COL26A1: variants seen among roughly 807,000 people sequenced by gnomAD.
COL26A1 encodes the protein collagen alpha-1(XXVI) chain.
Under a neutral mutation model 59.3 loss-of-function variants are expected in COL26A1, and 41 were observed. That is an observed-to-expected ratio of 0.69 (90% confidence interval 0.54 to 0.90). COL26A1 has a LOEUF of 0.90. COL26A1 is among the 40% of genes least tolerant of loss of function. COL26A1 has a pLI of 0.00. For missense variants in COL26A1, 612 were observed against 602.3 expected, an observed-to-expected ratio of 1.02 and a Z score of -0.17; for synonymous variants, 266 against 256.0, an observed-to-expected ratio of 1.04 and a Z score of -0.37.
At chr7:101,381,830 G>A (rs969777406) in intron 1 of COL26A1, among the ~76,000 whole-genome samples, 5 of 152,072 alleles carry the variant, frequency 3.3e-5, no homozygotes, top group African/African-American at 9.7e-5. Context: ...GAAAGAGGAC[G>A]TCCCTGGGGG....
chr7:101,400,132 G>A (rs920150143), intron 1 of COL26A1, among the ~76,000 whole-genome samples: 1 of 152,128 alleles, frequency 6.6e-6, no homozygotes, highest in Admixed American at 6.6e-5. Context: ...GGATGTGGAA[G>A]ACGAGTAGGT....
intron 3 of COL26A1, among the ~76,000 whole-genome samples, chr7:101,491,400 G>T (rs1475284361): frequency 6.6e-6 from 1 of 152,110 alleles, no homozygotes; most frequent in East Asian, 1.9e-4. Flanking sequence ...TACAAGAAAG[G>T]GGTCCCAATA....
intron 10 of COL26A1, among the ~76,000 whole-genome samples, chr7:101,551,967 G>A (rs1341474311): frequency 2.0e-5 from 3 of 152,104 alleles, no homozygotes; most frequent in Admixed American, 1.3e-4. Flanking sequence ...TATTATCCCC[G>A]TTTGCCAAAA....
intron 10 of COL26A1, 94 bp downstream of exon 10, chr7:101,551,237 G>GGGTTGGGGGGGGGGT: frequency 1.0e-5 from 4 of 386,366 alleles, no homozygotes; most frequent in Admixed American, 7.1e-5. Context: ...TGGTGGGGGG[G>GGGTTGGGGGGGGGGT]TTCAGCCCTG....
chr7:101,555,664 G>T (rs1795957227), intron 11 of COL26A1, 123 bp from the exon 12 acceptor site: 2 of 631,264 alleles, frequency 3.2e-6, no homozygotes, highest in Non-Finnish European at 5.7e-6. Context: ...CAGTGGTGAG[G>T]GTGTCGGGTG....
chr7:101,453,509 A>G (rs1793395513), intron 3 of COL26A1, among the ~76,000 whole-genome samples: 1 of 152,176 alleles, frequency 6.6e-6, no homozygotes, highest in Non-Finnish European at 1.5e-5. Context: ...ACCTCTCAAG[A>G]TGCTCTCAGC....
intron 10 of COL26A1, among the ~76,000 whole-genome samples, chr7:101,552,096 C>T (rs1004277230): frequency 3.3e-5 from 5 of 152,252 alleles, no homozygotes; most frequent in African/African-American, 1.2e-4. Context: ...TCCTCCCGTG[C>T]TTGTCTAGTG....
chr7:101,482,484 G>A (rs1563003387), intron 3 of COL26A1, among the ~76,000 whole-genome samples: 1 of 152,270 alleles, frequency 6.6e-6, no homozygotes, highest in Middle Eastern at 3.4e-3. Context: ...TATTGTGTGA[G>A]TTACATTAAC....
chr7:101,371,484 G>A (rs28575906), intron 1 of COL26A1, among the ~76,000 whole-genome samples: 1 of 47,580 alleles, frequency 2.1e-5, no homozygotes, highest in Non-Finnish European at 4.4e-5. Flanking sequence ...CCCTGTCTCT[G>A]TAAAAAAAAA....
At chr7:101,491,205 C>A (rs1040796031) in intron 3 of COL26A1, among the ~76,000 whole-genome samples, 2 of 152,128 alleles carry the variant, frequency 1.3e-5, no homozygotes, top group Non-Finnish European at 2.9e-5. Flanking sequence ...CCACCTTCAA[C>A]TAGATCACGA....
chr7:101,415,173 C>T (rs1226615053), intron 1 of COL26A1, among the ~76,000 whole-genome samples: 2 of 141,678 alleles, frequency 1.4e-5, no homozygotes, highest in Admixed American at 7.2e-5. Context: ...TTTTTTGAGA[C>T]GGAGTCTCTC....
chr7:101,443,697 G>A (rs749739183), intron 2 of COL26A1, among the ~76,000 whole-genome samples: 23 of 151,960 alleles, frequency 1.5e-4, no homozygotes, highest in Non-Finnish European at 2.9e-4. Context: ...TTTTATATTC[G>A]CGATTCTTGG....
chr7:101,363,162 T>C lies in COL26A1; in HGVS notation c.130T>C (p.Ser44Pro). 7.7e-7 allele frequency: 1 copy of C among 1,293,238 alleles called. No homozygotes were observed. Among genetic ancestry groups the C allele is most frequent in the East Asian group, 6.6e-5 (1 of 15,054 alleles). 80.1% of individuals were successfully genotyped at this position (1,293,238 alleles called of 1,614,324 possible). A position where few individuals can be genotyped will look rare whatever the true frequency, so the allele number is the denominator to read the frequency against. The change falls in exon 1 of 13, where the codon TCC becomes CCC. Residue 44 changes from serine (S) to proline (P), a missense_variant. Transcript: ENST00000313669. ...CGGCTACCCCGAGCCCGGCGCCGGC[T>C]CCCCTGGCAGCGGCTACGCGAGCCG... Reference protein sequence around the residue: ...QHGYPEPGAGSPGSGYASRRH... With the variant: ...QHGYPEPGAGPPGSGYASRRH...
chr7:101,399,051 T>C (rs1351823303), intron 1 of COL26A1, among the ~76,000 whole-genome samples: 1 of 152,054 alleles, frequency 6.6e-6, no homozygotes, highest in Non-Finnish European at 1.5e-5. Flanking sequence ...ATACCTGTAA[T>C]CCCAGCACTT....
intron 1 of COL26A1, among the ~76,000 whole-genome samples, chr7:101,395,712 C>A (rs369142687): frequency 6.6e-6 from 1 of 152,182 alleles, no homozygotes; most frequent in Non-Finnish European, 1.5e-5. Flanking sequence ...GACTTGAGCA[C>A]AGCAGCCAGA....
intron 3 of COL26A1, among the ~76,000 whole-genome samples, chr7:101,517,797 C>CTTT (rs1795060509): frequency 8.6e-6 from 1 of 116,636 alleles, no homozygotes; most frequent in Non-Finnish European, 1.8e-5. Context: ...CTTCTCCCCG[C>CTTT]ATTTTTTTTT....
intron 2 of COL26A1, among the ~76,000 whole-genome samples, chr7:101,439,873 C>T (rs559806791): frequency 2.0e-5 from 3 of 152,216 alleles, no homozygotes; most frequent in Non-Finnish European, 2.9e-5. Flanking sequence ...TGTTATTGGC[C>T]CTTAATGTTC....
intron 3 of COL26A1, among the ~76,000 whole-genome samples, chr7:101,450,882 TG>T (rs1393902538): frequency 6.8e-6 from 1 of 147,200 alleles, no homozygotes; most frequent in African/African-American, 2.5e-5. Context: ...CAATTCTATA[TG>T]GATATTGAAT....
Position 101,396,710 on chromosome 7 carries a change from C to T in COL26A1, c.159-23267C>T, listed in dbSNP as rs138430244. On this transcript the variant is annotated intron_variant, in intron 1 of 12. Coordinates refer to ENST00000313669, the MANE Select transcript of COL26A1 (RefSeq NM_001278563.3). ...CTCCTGACCTCAAGTGATCCACCCA[C>T]CTCGGCCTCCCAAAGGTGCTGGGGT... Among the ~76,000 whole-genome samples, 1,195 of 152,208 alleles carry T rather than the reference C, an allele frequency of 7.9e-3. 12 individuals carry two copies. Among genetic ancestry groups the T allele is most frequent in the African/African-American group, 0.028 (1,145 of 41,512 alleles).
Sources: allele counts gnomAD v4.1 joint callset (sites outside exome capture counted in the v4.1 genomes callset), GRCh38; gene constraint gnomAD v4.1.1; transcripts MANE v1.5; gene names NCBI Gene and HGNC (gene_info 2026-07-23, HGNC 2026-07-21).